Variants in KIAA1217 observed in about 807,000 individuals in gnomAD.
KIAA1217 encodes the protein sickle tail protein homolog.
KIAA1217 carries 88 observed loss-of-function variants against 163.9 expected under a neutral mutation model. The ratio of observed to expected loss-of-function variants is 0.54; its 90% CI spans 0.45 to 0.64. The LOEUF is 0.64. Among genes scored for constraint, KIAA1217 ranks in the 30% least tolerant of loss-of-function variants. The probability of loss-of-function intolerance (pLI) is 0.00; values close to 1 mark genes in which losing one functional copy is unlikely to be tolerated. For synonymous variants in KIAA1217, 903 were observed against 923.1 expected, an observed-to-expected ratio of 0.98 and a Z score of 0.39; for missense variants, 2,372 against 2,475.0, an observed-to-expected ratio of 0.96 and a Z score of 0.88.
chr10:24,237,346 G>A (rs1264244433), intron 2 of KIAA1217, among the ~76,000 whole-genome samples: 1 of 152,180 alleles, frequency 6.6e-6, no homozygotes, highest in African/African-American at 2.4e-5. Context: ...GTCAATGCTG[G>A]TTACAAATTT....
upstream of KIAA1217, chr10:24,208,838 G>C (rs1401965250): frequency 4.4e-6 from 1 of 229,868 alleles, no homozygotes; most frequent in Non-Finnish European, 8.6e-6. Flanking sequence ...CCCAGTTGTG[G>C]GTAGGAGAGG....
chr10:23,797,729 A>G (rs1010443487), intron 1 of KIAA1217, among the ~76,000 whole-genome samples: 2 of 152,168 alleles, frequency 1.3e-5, no homozygotes, highest in African/African-American at 2.4e-5. Flanking sequence ...AACAAGGGGG[A>G]AATCTGCCCC....
intron 3 of KIAA1217, among the ~76,000 whole-genome samples, chr10:24,416,767 G>A (rs756870707): frequency 3.3e-5 from 5 of 151,910 alleles, no homozygotes; most frequent in South Asian, 2.1e-4. Context: ...GCTCCCTTCC[G>A]CTTTGCAAGG....
chr10:24,203,668 G>T (rs1229537531), intron 2 of KIAA1217, among the ~76,000 whole-genome samples: 1 of 151,624 alleles, frequency 6.6e-6, no homozygotes, highest in African/African-American at 2.4e-5. Flanking sequence ...TCTATTGAAA[G>T]GGTTGATAAT....
chr10:23,754,207 G>A (rs1833801064), intron 1 of KIAA1217, among the ~76,000 whole-genome samples: 1 of 152,166 alleles, frequency 6.6e-6, no homozygotes, highest in Non-Finnish European at 1.5e-5. Context: ...TTAAACAAAT[G>A]TATGAATAAC....
At chr10:24,530,550 C>A (rs369238909) in intron 14 of KIAA1217, among the ~76,000 whole-genome samples, 5 of 152,006 alleles carry the variant, frequency 3.3e-5, no homozygotes, top group African/African-American at 4.8e-5. Flanking sequence ...TTGTATTTCC[C>A]CTTGTGTGAA....
Position 23,977,811 on chromosome 10 carries a change from C to A in KIAA1217, c.-320-29414C>A, listed in dbSNP as rs956249584. On this transcript the variant is annotated intron_variant, in intron 1 of 18. Transcript: ENST00000376462. ...AGATGCCAGGTAATTTGGAAGAGAC[C>A]AAATAGACCAGGAGGAGCAGCTCAG... Among the ~76,000 whole-genome samples the A allele has an allele frequency of 9.9e-5, 15 of 152,206 alleles. No individual in the cohort carries two copies. The East Asian group carries it at 2.7e-3, about 27-fold the overall frequency.
intron 2 of KIAA1217, among the ~76,000 whole-genome samples, chr10:24,072,094 T>C (rs938717104): frequency 1.3e-5 from 2 of 152,074 alleles, no homozygotes; most frequent in Admixed American, 1.3e-4. Flanking sequence ...GGTGTGACCA[T>C]AGCTTATTGC....
chr10:24,527,257 G>A (rs79059791), intron 13 of KIAA1217, among the ~76,000 whole-genome samples: 8,857 of 151,080 alleles, frequency 0.059, 367 homozygotes, highest in South Asian at 0.12. Context: ...TAGTGTTGTG[G>A]GTTTTGTTTG....
At chr10:23,850,855 A>G (rs1839276432) in intron 1 of KIAA1217, among the ~76,000 whole-genome samples, 1 of 151,994 alleles carries the variant, frequency 6.6e-6, no homozygotes, top group Admixed American at 6.6e-5. Context: ...TTAAATTGAC[A>G]GAAAAGGAAG....
chr10:23,768,291 T>A (rs1834631067), intron 1 of KIAA1217, among the ~76,000 whole-genome samples: 1 of 150,802 alleles, frequency 6.6e-6, no homozygotes, highest in Non-Finnish European at 1.5e-5. Context: ...CCCCCAATGC[T>A]GGACACAGTG....
intron 1 of KIAA1217, among the ~76,000 whole-genome samples, chr10:23,703,107 A>G (rs1052204590): frequency 9.2e-5 from 14 of 152,048 alleles, no homozygotes; most frequent in African/African-American, 2.7e-4. Flanking sequence ...TGCCCTGGTT[A>G]ATGCCAGGAA....
At chr10:23,937,575 G>C (rs1843584774) in intron 1 of KIAA1217, among the ~76,000 whole-genome samples, 1 of 152,002 alleles carries the variant, frequency 6.6e-6, no homozygotes, top group Non-Finnish European at 1.5e-5. Context: ...TTACAAAATG[G>C]AAAAAGAAAA....
At chr10:24,159,837 A>G (rs2065041547) in intron 2 of KIAA1217, among the ~76,000 whole-genome samples, 1 of 152,230 alleles carries the variant, frequency 6.6e-6, no homozygotes. Flanking sequence ...TATGATATAT[A>G]CAGTGTCTAT....
At chr10:24,048,694 C>T (rs544244658) in intron 2 of KIAA1217, among the ~76,000 whole-genome samples, 2 of 149,386 alleles carry the variant, frequency 1.3e-5, no homozygotes, top group South Asian at 4.2e-4. Flanking sequence ...CATACCCCTG[C>T]ACCCGAGCCT....
intron 6 of KIAA1217, among the ~76,000 whole-genome samples, chr10:24,490,869 A>G (rs1273553040): frequency 6.6e-6 from 1 of 152,184 alleles, no homozygotes; most frequent in Non-Finnish European, 1.5e-5. Flanking sequence ...CATGCCCTGA[A>G]CGAGGCCATC....
intron 2 of KIAA1217, among the ~76,000 whole-genome samples, chr10:24,091,157 T>G (rs1020249731): frequency 7.2e-5 from 11 of 151,904 alleles, no homozygotes; most frequent in African/African-American, 2.7e-4. Flanking sequence ...AACAACTGAC[T>G]GTGTTATTAT....
At chr10:24,037,021 G>A (rs979557771) in intron 2 of KIAA1217, among the ~76,000 whole-genome samples, 4 of 152,172 alleles carry the variant, frequency 2.6e-5, no homozygotes, top group Non-Finnish European at 5.9e-5. Flanking sequence ...GAGATCCGTA[G>A]GGCCCTGGAG....
intron 2 of KIAA1217, among the ~76,000 whole-genome samples, chr10:24,228,741 A>G (rs2070946594): frequency 6.6e-6 from 1 of 152,136 alleles, no homozygotes; most frequent in Non-Finnish European, 1.5e-5. Context: ...TGTGGAATCT[A>G]GCTTAAGACT....
Sources: allele counts gnomAD v4.1 joint callset (sites outside exome capture counted in the v4.1 genomes callset), GRCh38; gene constraint gnomAD v4.1.1; transcripts MANE v1.5; gene names NCBI Gene and HGNC (gene_info 2026-07-23, HGNC 2026-07-21).